Variants in DMD observed in about 807,000 individuals in gnomAD.
The protein encoded by DMD is mutant dystrophin.
A neutral mutation model predicts 330.1 loss-of-function variants in DMD; 63 were observed. That is an observed-to-expected ratio of 0.19 (90% CI 0.16 to 0.24). DMD has a LOEUF of 0.24. Among genes scored for constraint, DMD ranks in the 10% least tolerant of loss-of-function variants. DMD has a pLI of 1.00. For synonymous variants in DMD, 1,223 were observed against 959.8 expected (o/e 1.27, Z -5.07); for missense variants, 3,344 against 2,684.1 (o/e 1.25, Z -5.43).
intron 1 of DMD, among the ~76,000 whole-genome samples, chrX:33,160,827 T>TA (rs956431025): frequency 3.6e-5 from 4 of 111,616 alleles, no homozygotes; most frequent in Non-Finnish European, 5.6e-5. Flanking sequence ...CTAGTAAACT[T>TA]ATAGACACAG....
Position 32,246,011 on chromosome X carries a change from C to T in DMD, c.6291-28948G>A, listed in dbSNP as rs368112375. 1.2e-3 allele frequency among the ~76,000 whole-genome samples: 109 copies of T among 87,764 alleles called. 1 individual carries two copies. The highest frequency in any genetic ancestry group is 4.1e-3 in the African/African-American group (93 of 22,823). 76.2% of individuals were successfully genotyped at this position (87,764 alleles called of 115,157 possible). A position where few individuals can be genotyped will look rare whatever the true frequency, so the allele number is the denominator to read the frequency against. On this transcript the variant is annotated intron_variant, in intron 43 of 78. Coordinates refer to ENST00000357033, the MANE Select transcript of DMD (RefSeq NM_004006.3). ...CTTCCAACACTATGTTGAATAGGAG[C>T]GGTGAGAGAGGGCATCCCTGTCTTG...
chrX:32,701,416 A>T (rs2064121697), intron 7 of DMD, among the ~76,000 whole-genome samples: 1 of 112,130 alleles, frequency 8.9e-6, no homozygotes, highest in African/African-American at 3.2e-5. Flanking sequence ...ACTAAATAAT[A>T]TTTTGTGCAT....
chrX:31,829,679 T>TA (rs959344401), intron 49 of DMD, among the ~76,000 whole-genome samples: 2 of 112,057 alleles, frequency 1.8e-5, no homozygotes, highest in African/African-American at 6.5e-5. Context: ...TTTAAAAAAG[T>TA]AAACTAGAAT....
chrX:31,809,985 A>G (rs2092410740), intron 50 of DMD, among the ~76,000 whole-genome samples: 1 of 111,109 alleles, frequency 9.0e-6, no homozygotes. Context: ...CGATCATTTA[A>G]TCTTCTTGGT....
intron 76 of DMD, among the ~76,000 whole-genome samples, chrX:31,145,386 C>G (rs149710589): frequency 2.7e-5 from 3 of 111,698 alleles, no homozygotes; most frequent in African/African-American, 9.8e-5. Context: ...GGCACTGGAT[C>G]GAAGCACCTG....
chrX:31,422,506 G>T (rs181643292), intron 60 of DMD, among the ~76,000 whole-genome samples: 82 of 112,020 alleles, frequency 7.3e-4, no homozygotes, highest in African/African-American at 2.5e-3. Context: ...TGGGACTCTA[G>T]AAGTGTTTAA....
chrX:31,408,901 C>T (rs940168481), intron 60 of DMD, among the ~76,000 whole-genome samples: 1 of 111,395 alleles, frequency 9.0e-6, no homozygotes, highest in African/African-American at 3.3e-5. Context: ...CATCATTTAG[C>T]GTTACGTATA....
chrX:32,494,855 A>T (rs2043333518), intron 19 of DMD, among the ~76,000 whole-genome samples: 2 of 111,302 alleles, frequency 1.8e-5, no homozygotes, highest in Admixed American at 1.9e-4. Flanking sequence ...GTATTTATAC[A>T]TTTTTTAAAG....
At chrX:31,348,500 ATTCTTATT>A in intron 61 of DMD, 48 bp downstream of exon 61, 2 of 1,026,117 alleles carry the variant, frequency 1.9e-6, no homozygotes, top group Non-Finnish European at 2.7e-6. Context: ...TTCAACTGTT[ATTCTTATT>A]AATCAAGATG....
chrX:32,867,141 T>A (rs1213811092), intron 2 of DMD, among the ~76,000 whole-genome samples: 1 of 105,864 alleles, frequency 9.4e-6, no homozygotes, highest in African/African-American at 3.5e-5. Context: ...TTGCCCAATA[T>A]GTTCATTTGA....
intron 57 of DMD, among the ~76,000 whole-genome samples, chrX:31,492,881 G>T (rs1390008089): frequency 9.2e-6 from 1 of 108,950 alleles, no homozygotes; most frequent in Non-Finnish European, 1.9e-5. Context: ...GTCAGGGGGT[G>T]GGGGGCTAGG....
At chrX:32,812,475 A>G (rs2077441573) in intron 6 of DMD, among the ~76,000 whole-genome samples, 2 of 111,081 alleles carry the variant, frequency 1.8e-5, no homozygotes, top group South Asian at 7.7e-4. Context: ...ACTACTAAAA[A>G]TACAAAAATT....
rs187174175 is a variant in DMD, at chrX:32,821,599, A to T, written c.357+1696T>A. On this transcript the variant is annotated intron_variant, in intron 5 of 78. Coordinates refer to ENST00000357033, the MANE Select transcript of DMD (RefSeq NM_004006.3). ...CAAGACTCTGTCTCAAAATAAAAAT[A>T]AAAAAAAATAAAAATAAAAAATAAA... 3.6e-3 allele frequency among the ~76,000 whole-genome samples: 387 copies of T among 107,896 alleles called. 3 individuals carry two copies. The highest frequency in any genetic ancestry group is 0.013 in the African/African-American group (370 of 28,779). The allele number at this position is 107,896 out of a possible 115,157, so 93.7% of individuals were successfully genotyped here. A position where few individuals can be genotyped will look rare whatever the true frequency, so the allele number is the denominator to read the frequency against.
chrX:32,187,525 G>A (rs969107099), intron 44 of DMD, among the ~76,000 whole-genome samples: 13 of 111,543 alleles, frequency 1.2e-4, no homozygotes, highest in African/African-American at 4.2e-4. Flanking sequence ...AGATACATAT[G>A]TATGTCAAAA....
At chrX:32,593,628 T>TA (rs2055186227) in intron 13 of DMD, among the ~76,000 whole-genome samples, 1 of 111,084 alleles carries the variant, frequency 9.0e-6, no homozygotes, top group Admixed American at 9.6e-5. Flanking sequence ...TTCTTTTTTT[T>TA]AACTGTCTTA....
chrX:31,923,274 C>T (rs1156290882), intron 47 of DMD, among the ~76,000 whole-genome samples: 1 of 111,436 alleles, frequency 9.0e-6, no homozygotes, highest in Non-Finnish European at 1.9e-5. Context: ...TCCCCCAACC[C>T]TCAGCTTCAA....
Position 31,203,155 on chromosome X carries a change from G to A in DMD, c.9807+806C>T, listed in dbSNP as rs189682613. Among the ~76,000 whole-genome samples, 750 of 108,821 alleles carry A rather than the reference G, an allele frequency of 6.9e-3. 4 individuals carry two copies. The highest frequency in any genetic ancestry group is 0.024 in the African/African-American group (715 of 29,852). The allele number at this position is 108,821 out of a possible 115,157, so 94.5% of individuals were successfully genotyped here. ...AAATTAGCTTGGGGTGGCGGTGGGC[G>A]CCTGTAATCCCAGCTACTCGGGAGG... On this transcript the variant is annotated intron_variant, in intron 67 of 78. Coordinates refer to ENST00000357033, the MANE Select transcript of DMD (RefSeq NM_004006.3).
At position 31,530,545 on chromosome X, in the gene DMD, A is replaced by G. The variant is rs114729036; in HGVS notation, c.8218-23092T>C. On this transcript the variant is annotated intron_variant, in intron 55 of 78. Coordinates refer to ENST00000357033, the MANE Select transcript of DMD (RefSeq NM_004006.3). ...GGATACATTAATACATTGATTAGTT[A>G]TGAAAGACATCAAGTACCAGAGAAC... 7.6e-3 allele frequency among the ~76,000 whole-genome samples: 830 copies of G among 109,329 alleles called. 7 individuals are homozygous for G. Among genetic ancestry groups the G allele is most frequent in the African/African-American group, 0.026 (788 of 30,139 alleles). The allele number at this position is 109,329 out of a possible 115,157, so 94.9% of individuals were successfully genotyped here.
intron 13 of DMD, among the ~76,000 whole-genome samples, chrX:32,581,488 C>T (rs751558483): frequency 3.9e-4 from 43 of 111,453 alleles, no homozygotes; most frequent in African/African-American, 1.3e-3. Context: ...CTATTAAATA[C>T]CATAGGGACT....
Sources: gnomAD v4.1 joint callset for allele counts (sites outside exome capture counted in the v4.1 genomes callset) on GRCh38, gnomAD v4.1.1 for gene constraint, MANE v1.5 for transcripts, NCBI Gene and HGNC (gene_info 2026-07-23, HGNC 2026-07-21) for gene names.